GRAMD1B: variants seen among roughly 807,000 people sequenced by gnomAD.
GRAMD1B encodes the protein GRAM domain containing 1B, also known as protein Aster-B.
In GRAMD1B, 37 loss-of-function variants were observed where a neutral mutation model predicts 99.7. That is an observed-to-expected ratio of 0.37 (90% CI 0.29 to 0.49). The LOEUF is 0.49. Ranked by LOEUF, GRAMD1B falls within the 20% of genes least tolerant of loss-of-function variation. The probability of loss-of-function intolerance (pLI) is 0.98; values close to 1 mark genes in which losing one functional copy is unlikely to be tolerated. For missense variants in GRAMD1B, 888 were observed against 1,009.2 expected, an observed-to-expected ratio of 0.88 and a Z score of 1.63; for synonymous variants, 427 against 387.6, an observed-to-expected ratio of 1.10 and a Z score of -1.19.
intron 1 of GRAMD1B, among the ~76,000 whole-genome samples, chr11:123,461,380 G>T (rs1310103743): frequency 6.6e-6 from 1 of 152,214 alleles, no homozygotes; most frequent in Non-Finnish European, 1.5e-5. Flanking sequence ...GAGCCCTTGT[G>T]ATTCCTGTCC....
At chr11:123,485,373 G>A (rs180736479) in intron 2 of GRAMD1B, among the ~76,000 whole-genome samples, 2 of 152,230 alleles carry the variant, frequency 1.3e-5, no homozygotes, top group East Asian at 1.9e-4. Context: ...CAGAGACTAC[G>A]TAGCTACCTT....
chr11:123,566,873 C>T (rs1272396520), intron 2 of GRAMD1B, among the ~76,000 whole-genome samples: 3 of 152,168 alleles, frequency 2.0e-5, no homozygotes, highest in Non-Finnish European at 4.4e-5. Flanking sequence ...ACTGGGGAAG[C>T]ACACATAGAC....
intron 1 of GRAMD1B, among the ~76,000 whole-genome samples, chr11:123,442,773 A>G (rs959463148): frequency 5.3e-5 from 8 of 152,216 alleles, no homozygotes; most frequent in South Asian, 4.1e-4. Flanking sequence ...CATCTCAGAA[A>G]AAAAAAGTAA....
At chr11:123,599,203 A>C in intron 7 of GRAMD1B, 1 of 765,994 alleles carries the variant, frequency 1.3e-6, no homozygotes, top group Non-Finnish European at 2.4e-6. Flanking sequence ...CTGTTACAGA[A>C]ATCAGAAAAT....
At chr11:123,394,693 C>T (rs1354408850) in intron 1 of GRAMD1B, among the ~76,000 whole-genome samples, 1 of 152,200 alleles carries the variant, frequency 6.6e-6, no homozygotes, top group Non-Finnish European at 1.5e-5. Context: ...TGCCTTAAAT[C>T]ATTTTGTGCT....
chr11:123,560,491 C>A, intron 2 of GRAMD1B: 2 of 1,233,164 alleles, frequency 1.6e-6, no homozygotes, highest in Non-Finnish European at 2.1e-6. Flanking sequence ...CGAGTCCCCT[C>A]CCCCGTTAGA....
At chr11:123,373,656 G>C (rs757363049) in intron 1 of GRAMD1B, among the ~76,000 whole-genome samples, 2 of 152,190 alleles carry the variant, frequency 1.3e-5, no homozygotes, top group Non-Finnish European at 2.9e-5. Flanking sequence ...TACATACTTA[G>C]GTGGGAGAAG....
chr11:123,377,828 C>T (rs568529193), intron 1 of GRAMD1B, among the ~76,000 whole-genome samples: 1 of 152,322 alleles, frequency 6.6e-6, no homozygotes, highest in South Asian at 2.1e-4. Context: ...AAAAGACTTG[C>T]AAAAGATCTC....
intron 2 of GRAMD1B, among the ~76,000 whole-genome samples, chr11:123,573,058 GCCCC>G: frequency 6.7e-6 from 1 of 150,118 alleles, no homozygotes; most frequent in African/African-American, 2.5e-5. Context: ...GCGCAGGTAG[GCCCC>G]GATGGCTGGG....
At chr11:123,620,387 T>C (rs1355874488) in intron 19 of GRAMD1B, among the ~76,000 whole-genome samples, 2 of 145,630 alleles carry the variant, frequency 1.4e-5, no homozygotes, top group East Asian at 4.1e-4. Flanking sequence ...GGCAGGAGAA[T>C]TGCTTGAACC....
At chr11:123,426,579 G>A (rs1220496338), upstream of GRAMD1B, among the ~76,000 whole-genome samples, 2 of 135,138 alleles carry the variant, frequency 1.5e-5, no homozygotes, top group Non-Finnish European at 3.0e-5. Context: ...CCCTCATAAT[G>A]GGCCAACCGT....
At chr11:123,521,443 A>G (rs1391264850) in intron 2 of GRAMD1B, among the ~76,000 whole-genome samples, 1 of 152,162 alleles carries the variant, frequency 6.6e-6, no homozygotes, top group East Asian at 1.9e-4. Context: ...TTCCTTTCTC[A>G]ACCAATATAT....
rs1257711907 is a variant in GRAMD1B at position 123,492,268 on chromosome 11, C to T, written c.452+11375C>T. On this transcript the variant is annotated intron_variant, in intron 2 of 19. Transcript: ENST00000635736. This position sits in a 1 kb window ranked among gnomAD's most constrained non-coding sequence, Gnocchi z 4.2. ...GAACTTGGAAATCCTGAGAAAGGTG[C>T]GGTAGGGAACAGTGTAGTCTGCCTG... Among the ~76,000 whole-genome samples the T allele has an allele frequency of 1.3e-5, 2 of 152,024 alleles. No individual in the cohort carries two copies. The highest frequency in any genetic ancestry group is 6.5e-5 in the Admixed American group (1 of 15,274).
intron 1 of GRAMD1B, chr11:123,459,156 A>T (rs903547139): frequency 1.3e-5 from 2 of 152,034 alleles, no homozygotes; most frequent in Non-Finnish European, 2.9e-5. Context: ...CAGCCCTTGG[A>T]GTTAGGGCAG....
At chr11:123,445,818 C>CAAAAAAAAA (rs36123733) in intron 1 of GRAMD1B, among the ~76,000 whole-genome samples, 22 of 94,122 alleles carry the variant, frequency 2.3e-4, no homozygotes, top group African/African-American at 7.7e-4. Context: ...CACTTGTCTC[C>CAAAAAAAAA]AAAAAAAAAA....
chr11:123,368,034 T>C (rs1946379730), intron 1 of GRAMD1B, among the ~76,000 whole-genome samples: 1 of 151,816 alleles, frequency 6.6e-6, no homozygotes, highest in African/African-American at 2.4e-5. Flanking sequence ...GGCAGGTGGA[T>C]CACGAGGTCA....
chr11:123,597,256 C>CTTTTTTTTT (rs71060518), intron 7 of GRAMD1B, among the ~76,000 whole-genome samples: 1 of 76,546 alleles, frequency 1.3e-5, no homozygotes, highest in African/African-American at 6.3e-5. Context: ...GCCACTATGC[C>CTTTTTTTTT]TTTTTTTTTT....
chr11:123,464,114 G>C (rs1275849745), intron 1 of GRAMD1B, among the ~76,000 whole-genome samples: 1 of 151,726 alleles, frequency 6.6e-6, no homozygotes, highest in Non-Finnish European at 1.5e-5. Context: ...ACCAGCCTGG[G>C]CAACAAAGGG....
intron 6 of GRAMD1B, 96 bp downstream of exon 6, chr11:123,594,934 C>A: frequency 5.5e-6 from 4 of 722,862 alleles, no homozygotes; most frequent in South Asian, 3.1e-5. Flanking sequence ...ATGCTCTTCC[C>A]AAGCCTTTGC....
Sources: gnomAD v4.1 joint callset for allele counts (sites outside exome capture counted in the v4.1 genomes callset) on GRCh38, gnomAD v4.1.1 for gene constraint, Gnocchi (gnomAD v3.1) non-coding constraint, MANE v1.5 for transcripts, NCBI Gene and HGNC (gene_info 2026-07-23, HGNC 2026-07-21) for gene names.